Variants in PDE8A observed in about 807,000 individuals in gnomAD.
The protein encoded by PDE8A is phosphodiesterase 8A, also known as high affinity cAMP-specific and IBMX-insensitive 3',5'-cyclic phosphodiesterase 8A.
Under a neutral mutation model 105.0 loss-of-function variants are expected in PDE8A, and 59 were observed. That is an observed-to-expected ratio of 0.56 (90% CI 0.46 to 0.70). The LOEUF (loss-of-function observed/expected upper bound fraction) is 0.70. Ranked by LOEUF, PDE8A falls within the 30% of genes least tolerant of loss-of-function variation. PDE8A has a pLI of 0.00. For missense variants in PDE8A, 1,014 were observed against 1,045.9 expected, an observed-to-expected ratio of 0.97 and a Z score of 0.42; for synonymous variants, 355 against 371.9, an observed-to-expected ratio of 0.95 and a Z score of 0.52.
intron 1 of PDE8A, among the ~76,000 whole-genome samples, chr15:85,027,695 T>G (rs2141367408): frequency 6.6e-6 from 1 of 152,332 alleles, no homozygotes; most frequent in Non-Finnish European, 1.5e-5. Context: ...GTTAGGAAAT[T>G]TACACAATTC....
chr15:85,122,751 C>T (rs1295892124), intron 18 of PDE8A, among the ~76,000 whole-genome samples: 9 of 152,198 alleles, frequency 5.9e-5, no homozygotes, highest in African/African-American at 1.2e-4. Context: ...ATGGTTGGGC[C>T]TCAAGACACC....
At chr15:85,028,737 A>G (rs2080560927) in intron 1 of PDE8A, among the ~76,000 whole-genome samples, 1 of 151,796 alleles carries the variant, frequency 6.6e-6, no homozygotes, top group Non-Finnish European at 1.5e-5. Flanking sequence ...CATCTCAAAT[A>G]CCTCCCACCC....
chr15:84,982,683 G>A (rs893142173), intron 1 of PDE8A, among the ~76,000 whole-genome samples: 1 of 152,212 alleles, frequency 6.6e-6, no homozygotes, highest in Non-Finnish European at 1.5e-5. Flanking sequence ...CCAAGAGCGG[G>A]TGTTTGAGGG....
At chr15:85,060,368 G>C (rs2081124443) in intron 1 of PDE8A, among the ~76,000 whole-genome samples, 1 of 152,160 alleles carries the variant, frequency 6.6e-6, no homozygotes, top group African/African-American at 2.4e-5. Context: ...GCTTTATGTA[G>C]TTGGTCCTCC....
intron 1 of PDE8A, among the ~76,000 whole-genome samples, chr15:85,030,366 C>T (rs1455600664): frequency 2.6e-5 from 4 of 151,946 alleles, no homozygotes; most frequent in African/African-American, 9.7e-5. Context: ...TCTTTGTCTC[C>T]CAGCCACAGT....
chr15:85,114,838 T>TG (rs963019929), intron 14 of PDE8A, among the ~76,000 whole-genome samples: 2 of 151,612 alleles, frequency 1.3e-5, no homozygotes. Flanking sequence ...TGATGAGGGA[T>TG]GGGGGTAGGA....
At chr15:85,086,511 A>G (rs2081555152) in intron 6 of PDE8A, among the ~76,000 whole-genome samples, 1 of 152,236 alleles carries the variant, frequency 6.6e-6, no homozygotes, top group Non-Finnish European at 1.5e-5. Context: ...AAAAATTAGA[A>G]AAATATTAAA....
chr15:85,135,922 T>C (rs539639212), intron 20 of PDE8A, among the ~76,000 whole-genome samples: 2 of 152,250 alleles, frequency 1.3e-5, no homozygotes, highest in East Asian at 3.9e-4. Flanking sequence ...AAAAATAATT[T>C]AGCCATAGAT....
At chr15:85,009,138 T>TG (rs1426114550) in intron 1 of PDE8A, among the ~76,000 whole-genome samples, 1 of 147,590 alleles carries the variant, frequency 6.8e-6, no homozygotes, top group East Asian at 2.0e-4. Flanking sequence ...TGTGTGTGTG[T>TG]GTGTGTGATG....
intron 1 of PDE8A, among the ~76,000 whole-genome samples, chr15:84,993,267 C>T (rs1433808835): frequency 6.6e-6 from 1 of 151,250 alleles, no homozygotes; most frequent in East Asian, 2.0e-4. Flanking sequence ...CACGGTGAAA[C>T]CCCGTCTCTT....
intron 1 of PDE8A, among the ~76,000 whole-genome samples, chr15:85,018,273 GT>G (rs570597359): frequency 2.9e-4 from 44 of 152,266 alleles, no homozygotes; most frequent in Non-Finnish European, 5.7e-4. Context: ...TAGATAAACT[GT>G]TTCTTACTGT....
intron 17 of PDE8A, 60 bp from the exon 18 acceptor site, chr15:85,120,725 AAGAAAACTATAC>A: frequency 3.3e-6 from 3 of 910,044 alleles, no homozygotes; most frequent in Non-Finnish European, 3.4e-6. Context: ...ATAGGGGAGA[AAGAAAACTATAC>A]AGAAGGCTTC....
At chr15:85,121,481 C>G (rs1297879242) in intron 18 of PDE8A, among the ~76,000 whole-genome samples, 8 of 152,120 alleles carry the variant, frequency 5.3e-5, no homozygotes, top group African/African-American at 1.9e-4. Flanking sequence ...GCACGTATCA[C>G]ATTTCTTATT....
intron 20 of PDE8A, among the ~76,000 whole-genome samples, chr15:85,129,733 T>TC (rs1307949390): frequency 6.6e-6 from 1 of 152,162 alleles, no homozygotes; most frequent in African/African-American, 2.4e-5. Context: ...TTGCTAGCGT[T>TC]AGGTTTAGTT....
chr15:85,049,059 G>A (rs111795587), intron 1 of PDE8A, among the ~76,000 whole-genome samples: 8,924 of 152,088 alleles, frequency 0.059, 666 homozygotes, highest in African/African-American at 0.18. Flanking sequence ...CTGAGATCGC[G>A]CCACTGCACT....
intron 17 of PDE8A, among the ~76,000 whole-genome samples, chr15:85,118,827 A>C (rs1183481155): frequency 1.3e-5 from 2 of 152,262 alleles, no homozygotes; most frequent in Non-Finnish European, 2.9e-5. Context: ...TCACGGGACT[A>C]GCATTTGGCA....
rs58709553 is a variant in PDE8A, at chr15:85,103,164, G to C, written c.1036+2966G>C. ...TTGAACCTAGGAGGCAGAGGCTGCA[G>C]TGAGCTGAGATCGCGCCACTGCACT... is the stretch of plus-strand genomic sequence containing the variant. On this transcript the variant is annotated intron_variant, in intron 11 of 21. Transcript: ENST00000394553. 5.2e-3 allele frequency among the ~76,000 whole-genome samples: 795 copies of C among 152,284 alleles called. 2 individuals carry two copies. Among genetic ancestry groups the C allele is most frequent in the African/African-American group, 0.017 (688 of 41,554 alleles).
At chr15:85,006,636 T>C (rs1016892742) in intron 1 of PDE8A, among the ~76,000 whole-genome samples, 1 of 152,262 alleles carries the variant, frequency 6.6e-6, no homozygotes, top group Non-Finnish European at 1.5e-5. Flanking sequence ...ATAGAGTTTT[T>C]CTTCTTGTGT....
intron 11 of PDE8A, among the ~76,000 whole-genome samples, chr15:85,106,739 A>G (rs746156351): frequency 2.0e-5 from 3 of 152,190 alleles, no homozygotes; most frequent in Non-Finnish European, 2.9e-5. Context: ...ATTCATGGGA[A>G]ACAGTGAGAG....
Sources: gnomAD v4.1 joint callset for allele counts (sites outside exome capture counted in the v4.1 genomes callset) on GRCh38, gnomAD v4.1.1 for gene constraint, MANE v1.5 for transcripts, NCBI Gene and HGNC (gene_info 2026-07-23, HGNC 2026-07-21) for gene names.